COL23A1: variants seen among roughly 807,000 people sequenced by gnomAD.
COL23A1 encodes collagen type XXIII alpha 1 chain, also known as collagen alpha-1(XXIII) chain.
A neutral mutation model predicts 99.3 loss-of-function variants in COL23A1; 97 were observed. The observed-to-expected ratio is 0.98, with a 90% CI of 0.83 to 1.16. COL23A1 has a LOEUF of 1.16. Ranked by LOEUF, COL23A1 falls within the 50% of genes most tolerant of loss-of-function variation. The pLI is 0.00. For missense variants in COL23A1, 762 were observed against 757.4 expected, an observed-to-expected ratio of 1.01 and a Z score of -0.07; for synonymous variants, 320 against 308.2, an observed-to-expected ratio of 1.04 and a Z score of -0.40.
In COL23A1 at chr5:178,589,630, T is replaced by G. The variant is rs1296231459; in HGVS notation, c.294+274A>C. ...TGGAGACTGACCCTAGGTCTGTTAC[T>G]CCAAAGTCCCTGGTCTCTCCTTCCC... On this transcript the variant is annotated intron_variant, in intron 1 of 28. Transcript: ENST00000390654. This position sits in a 1 kb window ranked among gnomAD's most constrained non-coding sequence, Gnocchi z 5.4. Among the ~76,000 whole-genome samples, 1 of 152,138 alleles carries G rather than the reference T, an allele frequency of 6.6e-6. No homozygotes were observed. The highest frequency in any genetic ancestry group is 2.4e-5 in the African/African-American group (1 of 41,430).
intron 2 of COL23A1, among the ~76,000 whole-genome samples, chr5:178,328,412 C>T (rs1759818702): frequency 6.6e-6 from 1 of 152,218 alleles, no homozygotes; most frequent in African/African-American, 2.4e-5. Flanking sequence ...TCCACGGCCA[C>T]CTTCTTAGCG....
chr5:178,414,695 C>T (rs1226001091), intron 2 of COL23A1, among the ~76,000 whole-genome samples: 1 of 152,152 alleles, frequency 6.6e-6, no homozygotes. Context: ...TCACTTGAAC[C>T]CGGGAGGCGG....
rs772403163 is a variant in COL23A1, at chr5:178,434,767, A to T, written c.361+125915T>A. Reference sequence around the variant, plus strand: ...AGGAAACTGAGGCCTGGGATGGTGGAGGGCTGTGGGGTATCATTTTCTTAG... The same window carrying T: ...AGGAAACTGAGGCCTGGGATGGTGGTGGGCTGTGGGGTATCATTTTCTTAG... On this transcript the variant is annotated intron_variant, in intron 2 of 28. Coordinates refer to ENST00000390654, the MANE Select transcript of COL23A1 (RefSeq NM_173465.4). This position sits in a 1 kb window ranked among gnomAD's most constrained non-coding sequence, Gnocchi z 4.3. 2.0e-5 allele frequency among the ~76,000 whole-genome samples: 3 copies of T among 152,184 alleles called. No homozygotes were observed. Among genetic ancestry groups the T allele is most frequent in the Non-Finnish European group, 4.4e-5 (3 of 68,024 alleles).
chr5:178,292,936 C>A (rs538150005), intron 3 of COL23A1, among the ~76,000 whole-genome samples: 2 of 151,874 alleles, frequency 1.3e-5, no homozygotes, highest in African/African-American at 4.8e-5. Flanking sequence ...GTGCACAGGA[C>A]GAAGTAACTG....
At chr5:178,501,999 C>T (rs373434550) in intron 2 of COL23A1, among the ~76,000 whole-genome samples, 12 of 152,162 alleles carry the variant, frequency 7.9e-5, no homozygotes, top group Admixed American at 4.6e-4. Context: ...GGACAAAGAC[C>T]GACAATCTGA....
chr5:178,363,705 G>A (rs1163292353), intron 2 of COL23A1, among the ~76,000 whole-genome samples: 1 of 152,232 alleles, frequency 6.6e-6, no homozygotes, highest in African/African-American at 2.4e-5. Context: ...CCCACCGGCT[G>A]TGGGTGTCGG....
chr5:178,570,735 T>C (rs1763050839), intron 1 of COL23A1, among the ~76,000 whole-genome samples: 1 of 151,324 alleles, frequency 6.6e-6, no homozygotes. Flanking sequence ...ACCTGGGGAG[T>C]GGCCAGGCTG....
chr5:178,434,729 C>T lies in COL23A1; in HGVS notation c.361+125953G>A, dbSNP rs1166882904. On this transcript the variant is annotated intron_variant, in intron 2 of 28. Coordinates refer to ENST00000390654, the MANE Select transcript of COL23A1 (RefSeq NM_173465.4). The surrounding 1 kb of genome is among the most constrained non-coding windows in gnomAD (Gnocchi z 4.3). ...GAGGCCGGTGCCTCCCCAACATCTCCACTTCACCGCTGAGGAAACTGAGGC... is the reference window on the plus strand; with the variant it reads ...GAGGCCGGTGCCTCCCCAACATCTCTACTTCACCGCTGAGGAAACTGAGGC... Among the ~76,000 whole-genome samples the T allele has an allele frequency of 6.6e-6, 1 of 152,238 alleles. No homozygotes were observed. Among genetic ancestry groups the T allele is most frequent in the African/African-American group, 2.4e-5 (1 of 41,458 alleles).
At chr5:178,295,032 C>A (rs1757669961) in intron 3 of COL23A1, among the ~76,000 whole-genome samples, 1 of 152,072 alleles carries the variant, frequency 6.6e-6, no homozygotes, top group Non-Finnish European at 1.5e-5. Flanking sequence ...AACTAAAAAA[C>A]CAATTAGCCG....
chr5:178,548,834 C>T (rs982050125), intron 2 of COL23A1, among the ~76,000 whole-genome samples: 12 of 152,098 alleles, frequency 7.9e-5, no homozygotes, highest in African/African-American at 2.9e-4. Context: ...TCCATCAAGG[C>T]TTTTTAATAG....
chr5:178,432,346 T>C (rs1766308664), intron 2 of COL23A1, among the ~76,000 whole-genome samples: 1 of 152,186 alleles, frequency 6.6e-6, no homozygotes, highest in Non-Finnish European at 1.5e-5. Context: ...ACAGAGGACA[T>C]TTTAAATGAC....
chr5:178,523,197 TATATAGAGAGAG>T (rs1333892136), intron 2 of COL23A1, among the ~76,000 whole-genome samples: 847 of 73,732 alleles, frequency 0.011, 14 homozygotes, highest in African/African-American at 0.027. Context: ...TATATATATA[TATATAGAGAGAG>T]AGAGAGAGAG....
intron 2 of COL23A1, among the ~76,000 whole-genome samples, chr5:178,342,170 A>C (rs901189813): frequency 6.6e-6 from 1 of 152,312 alleles, no homozygotes; most frequent in Non-Finnish European, 1.5e-5. Context: ...GTGCGGCTGC[A>C]GTTCCCACAT....
At chr5:178,571,315 TCG>T (rs1224885488) in intron 1 of COL23A1, among the ~76,000 whole-genome samples, 3 of 151,936 alleles carry the variant, frequency 2.0e-5, no homozygotes, top group East Asian at 1.9e-4. Context: ...TGAGCCAAGA[TCG>T]CACCACTGCA....
At chr5:178,336,460 T>C (rs1014792199) in intron 2 of COL23A1, among the ~76,000 whole-genome samples, 2 of 152,224 alleles carry the variant, frequency 1.3e-5, no homozygotes, top group African/African-American at 2.4e-5. Flanking sequence ...CCTGAAAGCA[T>C]TGTGCTAAGT....
chr5:178,557,512 C>T (rs567022419), intron 2 of COL23A1, among the ~76,000 whole-genome samples: 1 of 152,308 alleles, frequency 6.6e-6, no homozygotes, highest in South Asian at 2.1e-4. Flanking sequence ...AGAGAAGCCC[C>T]TGCCACCACA....
chr5:178,478,718 T>C (rs1757164588), intron 2 of COL23A1, among the ~76,000 whole-genome samples: 1 of 152,190 alleles, frequency 6.6e-6, no homozygotes, highest in Non-Finnish European at 1.5e-5. Context: ...GCCAGTTGTT[T>C]TATCTTTGAT....
intron 22 of COL23A1, 80 bp downstream of exon 22, chr5:178,247,446 T>A (rs1764763281): frequency 3.3e-6 from 5 of 1,526,902 alleles, no homozygotes; most frequent in Non-Finnish European, 3.6e-6. Context: ...TCAGGCCCTT[T>A]GCTTTGCCCA....
chr5:178,290,638 C>T (rs1161995655), intron 3 of COL23A1, among the ~76,000 whole-genome samples: 5 of 152,168 alleles, frequency 3.3e-5, no homozygotes, highest in African/African-American at 7.2e-5. Flanking sequence ...TGTCACCAGG[C>T]AGCTTTGGGT....
Sources: gnomAD v4.1 joint callset for allele counts (sites outside exome capture counted in the v4.1 genomes callset) on GRCh38, gnomAD v4.1.1 for gene constraint, Gnocchi (gnomAD v3.1) non-coding constraint, MANE v1.5 for transcripts, NCBI Gene and HGNC (gene_info 2026-07-23, HGNC 2026-07-21) for gene names.